FOXB1: variants seen among roughly 807,000 people sequenced by gnomAD.
The protein encoded by FOXB1 is forkhead box protein B1.
A neutral mutation model predicts 18.6 loss-of-function variants in FOXB1; 6 were observed. The observed-to-expected ratio is 0.32, with a 90% CI of 0.18 to 0.64. The LOEUF is 0.64. Ranked by LOEUF, FOXB1 falls within the 30% of genes least tolerant of loss-of-function variation. The pLI is 0.78. For synonymous variants in FOXB1, 213 were observed against 216.0 expected, an observed-to-expected ratio of 0.99 and a Z score of 0.12; for missense variants, 419 against 463.6, an observed-to-expected ratio of 0.90 and a Z score of 0.88.
At position 60,004,939 on chromosome 15, in the gene FOXB1, G is replaced by C. The variant is rs1260535361; in HGVS notation, c.-25G>C. The C allele has an allele frequency of 6.3e-7, 1 of 1,597,116 alleles. No homozygotes were observed. The highest frequency in any genetic ancestry group is 1.3e-5 in the African/African-American group (1 of 74,498). On this transcript the variant is annotated 5_prime_UTR_variant, in exon 2 of 2. Coordinates refer to ENST00000396057, the MANE Select transcript of FOXB1 (RefSeq NM_012182.3). ...CAGTCCGCCGGCCCGCGCGGACCCA[G>C]AGCAAGAAGAGGGCGAGGAAGAAGA...
Position 60,005,653 on chromosome 15 carries a change from C to A in FOXB1, c.690C>A (p.Pro230=), listed in dbSNP as rs1892085275. ...GSAGMIDSAT[P]ISMASGDYSA... is the part of the protein sequence containing the mutation. ...CCGGCATGATCGACTCGGCCACCCC[C>A]ATCTCCATGGCGAGTGGCGACTACA... is the stretch of plus-strand genomic sequence containing the variant. The change falls in exon 2 of 2, where the codon CCC becomes CCA. Residue 230 remains proline (P), a synonymous_variant. Coordinates refer to ENST00000396057, the MANE Select transcript of FOXB1 (RefSeq NM_012182.3). The surrounding 1 kb of genome is among the most constrained non-coding windows in gnomAD (Gnocchi z 9.8). The A allele has an allele frequency of 1.9e-6, 3 of 1,608,870 alleles. No homozygotes were observed. The highest frequency in any genetic ancestry group is 3.3e-4 in the Middle Eastern group (2 of 6,010).
At position 60,005,169 on chromosome 15, in the gene FOXB1, A is replaced by C; in HGVS notation, c.206A>C (p.Asp69Ala). Reference sequence around the variant, plus strand: ...CTGCGCCACAACCTCTCCTTCAACGACTGCTTCATCAAGATCCCGCGGCGG... The same window carrying C: ...CTGCGCCACAACCTCTCCTTCAACGCCTGCTTCATCAAGATCCCGCGGCGG... ...NSLRHNLSFN[D>A]CFIKIPRRPD... Residue 69 changes from aspartate to alanine, a missense_variant, in exon 2 of 2, where the codon GAC (aspartate) becomes GCC (alanine). By Grantham distance (126) the Asp-to-Ala change is moderately radical. Around this residue, in one of 3 missense-constraint regions of FOXB1, gnomAD observed 153 missense variants for 173.8 expected, o/e 0.88. Coordinates refer to ENST00000396057, the MANE Select transcript of FOXB1 (RefSeq NM_012182.3). This position sits in a 1 kb window ranked among gnomAD's most constrained non-coding sequence, Gnocchi z 9.8. 6.2e-7 allele frequency: 1 copy of C among 1,614,142 alleles called. No homozygotes were observed. The highest frequency in any genetic ancestry group is 8.5e-7 in the Non-Finnish European group (1 of 1,180,016).
Position 60,004,317 on chromosome 15 carries a change from T to C in FOXB1, c.-384T>C, listed in dbSNP as rs1303248570. The stretch of plus-strand genomic sequence containing the variant: ...CCTGTCACCGCTTAAAACTATCAGA[T>C]GGTTCGAGGGAGGACATGGAGGCAG... On this transcript the variant is annotated 5_prime_UTR_variant, in exon 1 of 2. The change abolishes an upstream ATG in the 5' untranslated region. Transcript: ENST00000396057. The C allele has an allele frequency of 6.6e-6, 1 of 152,136 alleles. No individual in the cohort carries two copies. Among genetic ancestry groups the C allele is most frequent in the Non-Finnish European group, 1.5e-5 (1 of 68,050 alleles). 9.4% of individuals were successfully genotyped at this position (152,136 alleles called of 1,614,324 possible). A position where few individuals can be genotyped will look rare whatever the true frequency, so the allele number is the denominator to read the frequency against.
rs1892072315 is a variant in FOXB1, at chr15:60,004,919, C to T, written c.-45C>T. The T allele has an allele frequency of 3.2e-6, 5 of 1,576,664 alleles. No homozygotes were observed. The highest frequency in any genetic ancestry group is 3.5e-5 in the Admixed American group (2 of 56,592). ...ACCCCCTTCCCAGATCCGAGCAGTC[C>T]GCCGGCCCGCGCGGACCCAGAGCAA... On this transcript the variant is annotated 5_prime_UTR_variant, in exon 2 of 2. Coordinates refer to ENST00000396057, the MANE Select transcript of FOXB1 (RefSeq NM_012182.3).
rs1201326550 is a variant in FOXB1 at position 60,005,218 on chromosome 15, C to T, written c.255C>T (p.Ser85=). ...PRRPDQPGKG[S]FWALHPSCGD... ...GGCCGGACCAGCCAGGCAAGGGCAG[C>T]TTCTGGGCGCTGCACCCAAGCTGCG... The change falls in exon 2 of 2, where the codon AGC becomes AGT. Residue 85 remains serine, a synonymous_variant. Coordinates refer to ENST00000396057, the MANE Select transcript of FOXB1 (RefSeq NM_012182.3). The surrounding 1 kb of genome is among the most constrained non-coding windows in gnomAD (Gnocchi z 9.8). The T allele has an allele frequency of 6.2e-7, 1 of 1,614,200 alleles. No homozygotes were observed. The highest frequency in any genetic ancestry group is 1.1e-5 in the South Asian group (1 of 91,088).
rs773824387 is a variant in FOXB1 at position 60,005,496 on chromosome 15, G to C, written c.533G>C (p.Arg178Pro). Residue 178 changes from arginine (R) to proline (P), a missense_variant, in exon 2 of 2, where the codon CGG (arginine) becomes CCG (proline). Around this residue, in one of 3 missense-constraint regions of FOXB1, gnomAD observed 71 missense variants for 110.0 expected, o/e 0.65. Transcript: ENST00000396057. The surrounding 1 kb of genome is among the most constrained non-coding windows in gnomAD (Gnocchi z 9.8). ...TTCGCCATCGAGAACATCATCGCGC[G>C]GGAATACAAGATGCCTGGGGGGCTG... is the stretch of plus-strand genomic sequence containing the variant. ...HPFAIENIIA[R>P]EYKMPGGLAF... 1 of 1,611,764 alleles carries C rather than the reference G, an allele frequency of 6.2e-7. No individual in the cohort carries two copies. The highest frequency in any genetic ancestry group is 1.3e-5 in the African/African-American group (1 of 74,908).
rs757295884 is a variant in FOXB1 at position 60,005,236 on chromosome 15, A to T, written c.273A>T (p.Pro91=). 4 of 1,613,992 alleles carry T rather than the reference A, an allele frequency of 2.5e-6. No individual in the cohort carries two copies. The highest frequency in any genetic ancestry group is 3.3e-5 in the Admixed American group (2 of 60,012). ...PGKGSFWALH[P]SCGDMFENGS... Reference sequence around the variant, plus strand: ...AGGGCAGCTTCTGGGCGCTGCACCCAAGCTGCGGGGACATGTTCGAGAACG... The same window carrying T: ...AGGGCAGCTTCTGGGCGCTGCACCCTAGCTGCGGGGACATGTTCGAGAACG... Residue 91 remains proline, a synonymous_variant, in exon 2 of 2, where the codon CCA becomes CCT. Coordinates refer to ENST00000396057, the MANE Select transcript of FOXB1 (RefSeq NM_012182.3). This position sits in a 1 kb window ranked among gnomAD's most constrained non-coding sequence, Gnocchi z 9.8.
chr15:60,005,425 C>T lies in FOXB1; in HGVS notation c.462C>T (p.Ala154=). ...GTHLPQMPAA[A]YNLGGVAQPS... ...ACCTGCCACAGATGCCCGCCGCCGC[C>T]TACAACTTGGGCGGCGTGGCGCAGC... Residue 154 remains alanine (A), a synonymous_variant, in exon 2 of 2, where the codon GCC becomes GCT. Transcript: ENST00000396057. This position sits in a 1 kb window ranked among gnomAD's most constrained non-coding sequence, Gnocchi z 9.8. 1.2e-6 allele frequency: 2 copies of T among 1,609,490 alleles called. No individual in the cohort carries two copies. Among genetic ancestry groups the T allele is most frequent in the Non-Finnish European group, 1.7e-6 (2 of 1,178,622 alleles).
chr15:60,006,368 T>TC lies in FOXB1; in HGVS notation c.*434dup, dbSNP rs1555411559. 2.3e-5 allele frequency: 3 copies of TC among 128,330 alleles called. No individual in the cohort carries two copies. The highest frequency in any genetic ancestry group is 3.6e-5 in the Non-Finnish European group (2 of 55,652). 7.9% of individuals were successfully genotyped at this position (128,330 alleles called of 1,614,324 possible). Reference sequence around the variant, plus strand: ...TGCCTCAGATGTTTCCAGGAACAGATCCCCCCCACACCCCCTCCCCGCGAG... The same window carrying TC: ...TGCCTCAGATGTTTCCAGGAACAGATCCCCCCCCACACCCCCTCCCCGCGAG... On this transcript the variant is annotated 3_prime_UTR_variant, in exon 2 of 2. Transcript: ENST00000396057.
chr15:60,005,481 A>G lies in FOXB1; in HGVS notation c.518A>G (p.Glu173Gly). The G allele has an allele frequency of 6.2e-7, 1 of 1,612,102 alleles. No individual in the cohort carries two copies. Among genetic ancestry groups the G allele is most frequent in the Non-Finnish European group, 8.5e-7 (1 of 1,179,672 alleles). Residue 173 changes from glutamate (E) to glycine (G), a missense_variant, in exon 2 of 2, where the codon GAG becomes GGG. Physicochemically the swap from Glu to Gly is moderately conservative, Grantham distance 98. Coordinates refer to ENST00000396057, the MANE Select transcript of FOXB1 (RefSeq NM_012182.3). The surrounding 1 kb of genome is among the most constrained non-coding windows in gnomAD (Gnocchi z 9.8). The stretch of plus-strand genomic sequence containing the variant: ...GGCTTCAAGCACCCCTTCGCCATCG[A>G]GAACATCATCGCGCGGGAATACAAG... Reference protein sequence around the residue: ...PSGFKHPFAIENIIAREYKMP... With the variant: ...PSGFKHPFAIGNIIAREYKMP...
In FOXB1 at chr15:60,005,130, G is replaced by T; in HGVS notation, c.167G>T (p.Arg56Leu). The T allele has an allele frequency of 1.2e-6, 2 of 1,614,140 alleles. No homozygotes were observed. The highest frequency in any genetic ancestry group is 1.7e-6 in the Non-Finnish European group (2 of 1,180,006). The change falls in exon 2 of 2, where the codon CGC (arginine) becomes CTC (leucine). Residue 56 changes from arginine to leucine, a missense_variant. By Grantham distance (102) the Arg-to-Leu change is moderately radical. Coordinates refer to ENST00000396057, the MANE Select transcript of FOXB1 (RefSeq NM_012182.3). This position sits in a 1 kb window ranked among gnomAD's most constrained non-coding sequence, Gnocchi z 9.8. ...CCCTACTACAGGGAGAACACGCAGC[G>T]CTGGCAGAACAGTCTGCGCCACAAC... ...RFPYYRENTQ[R>L]WQNSLRHNLS...
In FOXB1 at chr15:60,005,452, C is replaced by G; in HGVS notation, c.489C>G (p.Pro163=). The G allele has an allele frequency of 4.3e-6, 7 of 1,611,508 alleles. 1 individual carries two copies. In the South Asian group the frequency reaches 7.7e-5, roughly 18 times the overall value. Residue 163 remains proline (P), a synonymous_variant, in exon 2 of 2, where the codon CCC becomes CCG. Transcript: ENST00000396057. This position sits in a 1 kb window ranked among gnomAD's most constrained non-coding sequence, Gnocchi z 9.8. ...ACAACTTGGGCGGCGTGGCGCAGCC[C>G]TCGGGCTTCAAGCACCCCTTCGCCA... ...AAYNLGGVAQ[P]SGFKHPFAIE...
chr15:60,005,239 C>T lies in FOXB1; in HGVS notation c.276C>T (p.Ser92=). 6.2e-7 allele frequency: 1 copy of T among 1,614,150 alleles called. No individual in the cohort carries two copies. Among genetic ancestry groups the T allele is most frequent in the Non-Finnish European group, 8.5e-7 (1 of 1,180,036 alleles). The change falls in exon 2 of 2, where the codon AGC becomes AGT. Residue 92 remains serine, a synonymous_variant. Transcript: ENST00000396057. This position sits in a 1 kb window ranked among gnomAD's most constrained non-coding sequence, Gnocchi z 9.8. The part of the protein sequence containing the change: ...GKGSFWALHP[S]CGDMFENGSF... ...GCAGCTTCTGGGCGCTGCACCCAAG[C>T]TGCGGGGACATGTTCGAGAACGGCA... is the stretch of plus-strand genomic sequence containing the variant.
Position 60,005,626 on chromosome 15 carries a change from C to T in FOXB1, c.663C>T (p.Ser221=), listed in dbSNP as rs142147769. 29 of 1,608,406 alleles carry T rather than the reference C, an allele frequency of 1.8e-5. No individual in the cohort carries two copies. In the African/African-American group the frequency reaches 2.9e-4, roughly 16 times the overall value. The change falls in exon 2 of 2, where the codon TCC becomes TCT. Residue 221 remains serine (S), a synonymous_variant. Transcript: ENST00000396057. This position sits in a 1 kb window ranked among gnomAD's most constrained non-coding sequence, Gnocchi z 9.8. ...LGTGWPHVYG[S]AGMIDSATPI... ...CCGGCTGGCCACACGTGTATGGCTC[C>T]GCCGGCATGATCGACTCGGCCACCC...
Position 60,005,723 on chromosome 15 carries a change from C to G in FOXB1, c.760C>G (p.Gln254Glu), listed in dbSNP as rs751124984. The G allele has an allele frequency of 2.5e-6, 4 of 1,602,992 alleles. No individual in the cohort carries two copies. The highest frequency in any genetic ancestry group is 3.4e-6 in the Non-Finnish European group (4 of 1,178,252). Residue 254 changes from glutamine to glutamate, a missense_variant, in exon 2 of 2, where the codon CAA becomes GAA. By Grantham distance (29) the Gln-to-Glu change is conservative. Coordinates refer to ENST00000396057, the MANE Select transcript of FOXB1 (RefSeq NM_012182.3). This position sits in a 1 kb window ranked among gnomAD's most constrained non-coding sequence, Gnocchi z 9.8. ...PLKPLCHAAG[Q>E]TLPAIPVPIK... ...GAAGCCGCTGTGCCACGCGGCGGGC[C>G]AAACGCTGCCCGCCATCCCCGTGCC...
chr15:60,004,917 T>C lies in FOXB1; in HGVS notation c.-47T>C. ...CCACCCCCTTCCCAGATCCGAGCAG[T>C]CCGCCGGCCCGCGCGGACCCAGAGC... On this transcript the variant is annotated 5_prime_UTR_variant, in exon 2 of 2. Transcript: ENST00000396057. 6.4e-7 allele frequency: 1 copy of C among 1,564,374 alleles called. No homozygotes were observed. The highest frequency in any genetic ancestry group is 1.2e-5 in the South Asian group (1 of 83,626).
chr15:60,006,931 AAG>A lies in FOXB1; in HGVS notation c.*992_*993del, dbSNP rs1241639175. The stretch of plus-strand genomic sequence containing the variant: ...ATTGTTGGGAAAAAAAAAAAAAAAA[AAG>A]AAGGAAAGAAAATGAAATAAGCCCA... On this transcript the variant is annotated 3_prime_UTR_variant, in exon 2 of 2. Transcript: ENST00000396057. 3.3e-5 allele frequency: 5 copies of A among 150,830 alleles called. No individual in the cohort carries two copies. Among genetic ancestry groups the A allele is most frequent in the Non-Finnish European group, 7.4e-5 (5 of 67,830 alleles). 9.3% of individuals were successfully genotyped at this position (150,830 alleles called of 1,614,324 possible). A position where few individuals can be genotyped will look rare whatever the true frequency, so the allele number is the denominator to read the frequency against.
rs1892094830 is a variant in FOXB1, at chr15:60,006,195, A to G, written c.*254A>G. The G allele has an allele frequency of 1.0e-5, 5 of 497,552 alleles. No individual in the cohort carries two copies. Among genetic ancestry groups the G allele is most frequent in the Non-Finnish European group, 1.7e-5 (5 of 288,140 alleles). 30.8% of individuals were successfully genotyped at this position (497,552 alleles called of 1,614,324 possible). On this transcript the variant is annotated 3_prime_UTR_variant, in exon 2 of 2. Transcript: ENST00000396057. ...GGAAGGCCGGGGCCACCTGAGCCGA[A>G]CCATCCCCTCCCTGAGGCCCCGAAA... is the stretch of plus-strand genomic sequence containing the variant.
chr15:60,006,168 A>C lies in FOXB1; in HGVS notation c.*227A>C. The C allele has an allele frequency of 1.8e-6, 1 of 556,322 alleles. No individual in the cohort carries two copies. The highest frequency in any genetic ancestry group is 3.0e-6 in the Non-Finnish European group (1 of 330,874). The allele number at this position is 556,322 out of a possible 1,614,324, so 34.5% of individuals were successfully genotyped here. On this transcript the variant is annotated 3_prime_UTR_variant, in exon 2 of 2. Coordinates refer to ENST00000396057, the MANE Select transcript of FOXB1 (RefSeq NM_012182.3). ...TGGGAGTTGTCCTCGCCCCCACATC[A>C]AGGAAGGCCGGGGCCACCTGAGCCG...
Sources: gnomAD v4.1 joint callset for allele counts on GRCh38, gnomAD v4.1.1 for gene constraint, gnomAD v4.1.1 regional missense constraint, Gnocchi (gnomAD v3.1) non-coding constraint, MANE v1.5 for transcripts, NCBI Gene and HGNC (gene_info 2026-07-23, HGNC 2026-07-21) for gene names.